TNFRSF19: variants seen among roughly 807,000 people sequenced by gnomAD.
The protein encoded by TNFRSF19 is TNF receptor superfamily member 19.
Under a neutral mutation model 46.4 loss-of-function variants are expected in TNFRSF19, and 27 were observed. The ratio of observed to expected loss-of-function variants is 0.58; its 90% CI spans 0.43 to 0.80. TNFRSF19 has a LOEUF of 0.80. TNFRSF19 is among the 30% of genes least tolerant of loss of function. The probability of loss-of-function intolerance (pLI) is 0.00; values close to 1 mark genes in which losing one functional copy is unlikely to be tolerated. For missense variants in TNFRSF19, 511 were observed against 530.8 expected, an observed-to-expected ratio of 0.96 and a Z score of 0.37; for synonymous variants, 204 against 205.0, an observed-to-expected ratio of 1.00 and a Z score of 0.04.
intron 3 of TNFRSF19, among the ~76,000 whole-genome samples, chr13:23,598,922 A>T (rs184485445): frequency 6.6e-5 from 10 of 152,358 alleles, no homozygotes; most frequent in African/African-American, 2.4e-4. Flanking sequence ...TCCCCTACAG[A>T]CTGCCATTAT....
At chr13:23,586,803 T>G (rs1203443849) in intron 1 of TNFRSF19, among the ~76,000 whole-genome samples, 1 of 152,220 alleles carries the variant, frequency 6.6e-6, no homozygotes, top group African/African-American at 2.4e-5. Context: ...TTTGTGTCCC[T>G]TCTTCTTTGC....
chr13:23,593,573 C>CCAATA, intron 3 of TNFRSF19, 118 bp downstream of exon 3: 1 of 718,676 alleles, frequency 1.4e-6, no homozygotes, highest in Non-Finnish European at 2.4e-6. Context: ...ATTATTGGAT[C>CCAATA]ATTATGTCAC....
chr13:23,647,929 C>T (rs1883423425), intron 5 of TNFRSF19, among the ~76,000 whole-genome samples: 1 of 152,064 alleles, frequency 6.6e-6, no homozygotes, highest in Non-Finnish European at 1.5e-5. Flanking sequence ...AATTCTGTTC[C>T]ATTGGTCTAT....
chr13:23,616,143 A>G (rs1881271810), intron 4 of TNFRSF19, 98 bp downstream of exon 4: 1 of 1,256,006 alleles, frequency 8.0e-7, no homozygotes, highest in African/African-American at 1.5e-5. Context: ...GCATGCTGGT[A>G]TTAACCTGAA....
At chr13:23,602,573 T>C (rs2138214669) in intron 3 of TNFRSF19, among the ~76,000 whole-genome samples, 1 of 152,134 alleles carries the variant, frequency 6.6e-6, no homozygotes, top group South Asian at 2.1e-4. Context: ...ATTCTTAAGC[T>C]GTCATGGAAA....
chr13:23,580,130 C>T (rs1052681657), intron 1 of TNFRSF19, among the ~76,000 whole-genome samples: 24 of 152,178 alleles, frequency 1.6e-4, no homozygotes, highest in African/African-American at 5.3e-4. Context: ...GCGTGTAATG[C>T]CATCTCATGG....
At chr13:23,583,858 T>C (rs957530998) in intron 1 of TNFRSF19, among the ~76,000 whole-genome samples, 2 of 152,202 alleles carry the variant, frequency 1.3e-5, no homozygotes, top group African/African-American at 2.4e-5. Flanking sequence ...GATGCTACCA[T>C]TGTTCCATTT....
At chr13:23,576,688 A>C (rs1185707414) in intron 1 of TNFRSF19, among the ~76,000 whole-genome samples, 1 of 152,222 alleles carries the variant, frequency 6.6e-6, no homozygotes, top group East Asian at 1.9e-4. Context: ...AATATCTAAT[A>C]CAATGTCAAT....
At chr13:23,589,112 CTTGGGATCTGTTAGTT>C (rs764131801) in intron 1 of TNFRSF19, among the ~76,000 whole-genome samples, 4 of 152,088 alleles carry the variant, frequency 2.6e-5, no homozygotes, top group Non-Finnish European at 1.5e-5. Flanking sequence ...AGATGATCCA[CTTGGGATCTGTTAGTT>C]TTGGAAACTT....
In TNFRSF19 at chr13:23,675,292, T is replaced by C. The variant is rs1223251017; in HGVS notation, c.*1912T>C. On this transcript the variant is annotated 3_prime_UTR_variant, in exon 10 of 10. Coordinates refer to ENST00000248484, the MANE Select transcript of TNFRSF19 (RefSeq NM_148957.4). ...ATGACAGAGAGATGATGTTTGCATTTCTGTTATGACAGAGAGATGATGAAA... is the reference window on the plus strand; with the variant it reads ...ATGACAGAGAGATGATGTTTGCATTCCTGTTATGACAGAGAGATGATGAAA... 1.3e-5 allele frequency: 2 copies of C among 151,814 alleles called. No individual in the cohort carries two copies. The highest frequency in any genetic ancestry group is 2.9e-5 in the Non-Finnish European group (2 of 68,044). 9.4% of individuals were successfully genotyped at this position (151,814 alleles called of 1,614,324 possible).
In TNFRSF19 at chr13:23,673,852, T is replaced by C. The variant is rs1951791618; in HGVS notation, c.*472T>C. 6.5e-6 allele frequency: 1 copy of C among 154,244 alleles called. No homozygotes were observed. Among genetic ancestry groups the C allele is most frequent in the Non-Finnish European group, 1.4e-5 (1 of 69,480 alleles). 9.6% of individuals were successfully genotyped at this position (154,244 alleles called of 1,614,324 possible). A position where few individuals can be genotyped will look rare whatever the true frequency, so the allele number is the denominator to read the frequency against. The stretch of plus-strand genomic sequence containing the variant: ...AAATTACCTTAGCTTTTATGTAGAA[T>C]GGGTTCAAAAGTGAGTGTTTCTATT... On this transcript the variant is annotated 3_prime_UTR_variant, in exon 10 of 10. Transcript: ENST00000248484.
chr13:23,599,300 G>A (rs551777282), intron 3 of TNFRSF19, among the ~76,000 whole-genome samples: 84 of 152,322 alleles, frequency 5.5e-4, no homozygotes, highest in African/African-American at 1.9e-3. Context: ...TCATGCCCAA[G>A]AGGAAAATAG....
In TNFRSF19 at chr13:23,615,989, TC is replaced by T; in HGVS notation, c.304del (p.Gln102ArgfsTer55). 2 of 1,613,356 alleles carry T rather than the reference TC, an allele frequency of 1.2e-6. No homozygotes were observed. The highest frequency in any genetic ancestry group is 1.7e-6 in the Non-Finnish European group (2 of 1,179,388). The stretch of plus-strand genomic sequence containing the variant: ...TGGACTGCGCAGTGGTGAACCGCTT[TC>T]AGAAGGCAAATTGTTCAGCCACCAG... ...CLDCAVVNRF[Q>X]KANCSATSDA... is the part of the protein sequence containing the mutation. On this transcript the variant is annotated frameshift_variant, in exon 4 of 10. Coordinates refer to ENST00000248484, the MANE Select transcript of TNFRSF19 (RefSeq NM_148957.4). LOFTEE classifies it high-confidence loss of function.
In TNFRSF19 at chr13:23,659,003, C is replaced by A; in HGVS notation, c.446-47C>A. ...CCTGCCAGCTTCGCCATAAACACTG[C>A]ATCTGCAGTTGTTCAGAGCATGCTG... On this transcript the variant is annotated intron_variant, in intron 5 of 9. Coordinates refer to ENST00000248484, the MANE Select transcript of TNFRSF19 (RefSeq NM_148957.4). The surrounding 1 kb of genome is among the most constrained non-coding windows in gnomAD (Gnocchi z 4.9). 1 of 1,610,304 alleles carries A rather than the reference C, an allele frequency of 6.2e-7. No individual in the cohort carries two copies. Among genetic ancestry groups the A allele is most frequent in the Non-Finnish European group, 8.5e-7 (1 of 1,179,504 alleles).
rs766311553 is a variant in TNFRSF19 at position 23,615,972 on chromosome 13, G to A, written c.286G>A (p.Ala96Thr). ...FQKCKPCLDCAVVNRFQKANC... is the reference protein window; with the variant it reads ...FQKCKPCLDCTVVNRFQKANC... The stretch of plus-strand genomic sequence containing the variant: ...GAAATGCAAGCCCTGTCTGGACTGC[G>A]CAGTGGTGAACCGCTTTCAGAAGGC... The change falls in exon 4 of 10, where the codon GCA becomes ACA. Residue 96 changes from alanine to threonine, a missense_variant. Around this residue, in one of 3 missense-constraint regions of TNFRSF19, gnomAD observed 121 missense variants for 124.1 expected, o/e 0.98. Coordinates refer to ENST00000248484, the MANE Select transcript of TNFRSF19 (RefSeq NM_148957.4). The A allele has an allele frequency of 3.4e-5, 55 of 1,613,816 alleles. No homozygotes were observed. The highest frequency in any genetic ancestry group is 7.7e-5 in the South Asian group (7 of 91,052).
intron 5 of TNFRSF19, among the ~76,000 whole-genome samples, chr13:23,649,069 T>G (rs1323737541): frequency 6.6e-6 from 1 of 152,190 alleles, no homozygotes; most frequent in African/African-American, 2.4e-5. Flanking sequence ...GGCTTTGGCA[T>G]GCAGTAATGC....
At chr13:23,619,350 A>G (rs991882286) in intron 4 of TNFRSF19, among the ~76,000 whole-genome samples, 3 of 152,152 alleles carry the variant, frequency 2.0e-5, no homozygotes, top group Non-Finnish European at 4.4e-5. Flanking sequence ...AAAGGAAATT[A>G]GTGTTGCCTA....
chr13:23,582,279 T>C (rs1878505044), intron 1 of TNFRSF19, among the ~76,000 whole-genome samples: 1 of 149,816 alleles, frequency 6.7e-6, no homozygotes. Context: ...CGGGCGCCTG[T>C]AGTCCCAGCT....
intron 7 of TNFRSF19, among the ~76,000 whole-genome samples, chr13:23,666,713 G>A (rs952167685): frequency 2.6e-5 from 4 of 152,202 alleles, no homozygotes; most frequent in Non-Finnish European, 4.4e-5. Flanking sequence ...TGGTGAGCGT[G>A]ACACACGTTT....
Sources: gnomAD v4.1 joint callset for allele counts (sites outside exome capture counted in the v4.1 genomes callset) on GRCh38, gnomAD v4.1.1 for gene constraint, gnomAD v4.1.1 regional missense constraint, Gnocchi (gnomAD v3.1) non-coding constraint, MANE v1.5 for transcripts, NCBI Gene and HGNC (gene_info 2026-07-23, HGNC 2026-07-21) for gene names.